Variants in RAD23B observed in about 807,000 individuals in gnomAD.
RAD23B encodes RAD23 nucleotide excision repair protein B.
RAD23B carries 5 observed loss-of-function variants against 49.1 expected under a neutral mutation model. The ratio of observed to expected loss-of-function variants is 0.10; its 90% confidence interval spans 0.05 to 0.21. RAD23B has a LOEUF of 0.21. Ranked by LOEUF, RAD23B falls within the 10% of genes least tolerant of loss-of-function variation. RAD23B has a pLI of 1.00. For synonymous variants in RAD23B, 184 were observed against 165.4 expected, an observed-to-expected ratio of 1.11 and a Z score of -0.86; for missense variants, 356 against 486.7, an observed-to-expected ratio of 0.73 and a Z score of 2.53.
rs766258521 is a variant in RAD23B, at chr9:107,311,693, A to G, written c.509A>G (p.Asp170Gly). 1.9e-6 allele frequency: 3 copies of G among 1,572,654 alleles called. No homozygotes were observed. In the South Asian group the frequency reaches 3.6e-5, roughly 19 times the overall value. ...SPTATDSTSG[D>G]SSRSNLFEDA... ...AAATCCTTTTGTAGTACATCGGGTG[A>G]TTCTTCTCGGTCAAACCTTTTTGAA... The change falls in exon 5 of 10, where the codon GAT becomes GGT. Residue 170 changes from aspartate (D) to glycine (G), a missense_variant. Around this residue, in one of 5 missense-constraint regions of RAD23B, gnomAD observed 137 missense variants for 122.0 expected, o/e 1.12. Transcript: ENST00000358015.
At chr9:107,316,009 T>C (rs918077143) in intron 5 of RAD23B, among the ~76,000 whole-genome samples, 1 of 151,990 alleles carries the variant, frequency 6.6e-6, no homozygotes, top group African/African-American at 2.4e-5. Context: ...CTTAATACTT[T>C]TACGAATTTT....
At chr9:107,289,089 TTCCTCCCTTC>T in intron 1 of RAD23B, among the ~76,000 whole-genome samples, 1 of 83,288 alleles carries the variant, frequency 1.2e-5, no homozygotes, top group Non-Finnish European at 2.0e-5. Context: ...CCTCCCTCCT[TTCCTCCCTTC>T]TTCCCTCCCT....
intron 1 of RAD23B, among the ~76,000 whole-genome samples, chr9:107,285,652 T>C (rs1388543704): frequency 2.6e-5 from 4 of 152,262 alleles, no homozygotes; most frequent in Non-Finnish European, 5.9e-5. Flanking sequence ...TAATATGTTA[T>C]ACGTCTGGAA....
intron 9 of RAD23B, among the ~76,000 whole-genome samples, chr9:107,327,124 G>A (rs988978934): frequency 2.6e-5 from 4 of 152,118 alleles, no homozygotes; most frequent in Non-Finnish European, 5.9e-5. Context: ...TGAGTCCTAA[G>A]ATATTTTTGT....
chr9:107,302,587 TA>T (rs1006390270), intron 3 of RAD23B, among the ~76,000 whole-genome samples: 1 of 150,522 alleles, frequency 6.6e-6, no homozygotes, highest in Non-Finnish European at 1.5e-5. Context: ...TTTTAGAAAC[TA>T]AAAAAAGGGA....
chr9:107,323,545 A>C (rs1827147285), intron 7 of RAD23B, among the ~76,000 whole-genome samples: 1 of 152,208 alleles, frequency 6.6e-6, no homozygotes, highest in Non-Finnish European at 1.5e-5. Context: ...TTTAAGCAAC[A>C]GGAACAACTT....
At position 107,323,822 on chromosome 9, in the gene RAD23B, GTAT is replaced by G. The variant is rs1827152372; in HGVS notation, c.818-63_818-61del. 5 of 1,392,138 alleles carry G rather than the reference GTAT, an allele frequency of 3.6e-6. No individual in the cohort carries two copies. In the African/African-American group the frequency reaches 4.3e-5, roughly 12 times the overall value. 86.2% of individuals were successfully genotyped at this position (1,392,138 alleles called of 1,614,324 possible). On this transcript the variant is annotated intron_variant, in intron 7 of 9. Coordinates refer to ENST00000358015, the MANE Select transcript of RAD23B (RefSeq NM_002874.5). ...CTTTGATAGTGTTTGCTGTCTAAAT[GTAT>G]TATTTAACCACTGTTTGTGTATGTA...
In RAD23B at chr9:107,331,777, G is replaced by C; in HGVS notation, c.*2121G>C. ...TTGGACAACAAATCTGGATATACTAGGATTAATTATCAGAAGACAGCTCAG... is the reference window on the plus strand; with the variant it reads ...TTGGACAACAAATCTGGATATACTACGATTAATTATCAGAAGACAGCTCAG... On this transcript the variant is annotated 3_prime_UTR_variant, in exon 10 of 10. Coordinates refer to ENST00000358015, the MANE Select transcript of RAD23B (RefSeq NM_002874.5). 2.6e-6 allele frequency: 2 copies of C among 770,148 alleles called. No homozygotes were observed. 47.7% of individuals were successfully genotyped at this position (770,148 alleles called of 1,614,324 possible). A position where few individuals can be genotyped will look rare whatever the true frequency, so the allele number is the denominator to read the frequency against.
intron 1 of RAD23B, among the ~76,000 whole-genome samples, chr9:107,290,858 A>T (rs954993552): frequency 1.3e-5 from 2 of 152,218 alleles, no homozygotes; most frequent in Admixed American, 6.5e-5. Flanking sequence ...AAAATCAATG[A>T]ACAAGGTCCT....
chr9:107,299,994 G>A (rs1826614657), intron 1 of RAD23B, 147 bp from the exon 2 acceptor site: 1 of 1,028,746 alleles, frequency 9.7e-7, no homozygotes, highest in Non-Finnish European at 1.3e-6. Flanking sequence ...AATCTTTTTT[G>A]ATATAAATTG....
Position 107,332,069 on chromosome 9 carries a change from T to C in RAD23B, c.*2413T>C, listed in dbSNP as rs763891135. On this transcript the variant is annotated 3_prime_UTR_variant, in exon 10 of 10. Transcript: ENST00000358015. Reference sequence around the variant, plus strand: ...TAAGTTTGTATTTGTAAATTTCTTATGCCATCCTCTAGTCAAATTTTTTTT... The same window carrying C: ...TAAGTTTGTATTTGTAAATTTCTTACGCCATCCTCTAGTCAAATTTTTTTT... The C allele has an allele frequency of 1.4e-5, 4 of 290,534 alleles. No individual in the cohort carries two copies. The highest frequency in any genetic ancestry group is 1.9e-5 in the Non-Finnish European group (3 of 159,564). 18.0% of individuals were successfully genotyped at this position (290,534 alleles called of 1,614,324 possible).
At chr9:107,323,133 A>G (rs1827142273) in intron 7 of RAD23B, among the ~76,000 whole-genome samples, 1 of 152,210 alleles carries the variant, frequency 6.6e-6, no homozygotes, top group African/African-American at 2.4e-5. Flanking sequence ...TTGGTTTCCT[A>G]TAGCATAACC....
intron 5 of RAD23B, among the ~76,000 whole-genome samples, chr9:107,316,270 C>T (rs187581120): frequency 2.6e-5 from 4 of 152,212 alleles, no homozygotes; most frequent in Non-Finnish European, 5.9e-5. Context: ...CTCGGCCTCC[C>T]AAGTGCTGGG....
At chr9:107,308,695 C>A (rs1826831832) in intron 4 of RAD23B, among the ~76,000 whole-genome samples, 1 of 152,170 alleles carries the variant, frequency 6.6e-6, no homozygotes, top group Non-Finnish European at 1.5e-5. Context: ...ACTTTGTACA[C>A]CAACTGCTTA....
chr9:107,294,400 G>C (rs1833446909), intron 1 of RAD23B, among the ~76,000 whole-genome samples: 1 of 152,128 alleles, frequency 6.6e-6, no homozygotes, highest in Non-Finnish European at 1.5e-5. Flanking sequence ...TTATGTACTG[G>C]GACTGTGGTG....
rs1181141429 is a variant in RAD23B, at chr9:107,314,547, A to G, written c.553+2810A>G. ...TTCTTTTTGATGGGTGAGTATTATT[A>G]CACACACACACCACATTTTCTTTAT... On this transcript the variant is annotated intron_variant, in intron 5 of 9. Transcript: ENST00000358015. Among the ~76,000 whole-genome samples, 3 of 151,986 alleles carry G rather than the reference A, an allele frequency of 2.0e-5. No homozygotes were observed. In the South Asian group the frequency reaches 6.2e-4, roughly 32 times the overall value.
chr9:107,321,702 G>T (rs1827114738), intron 6 of RAD23B, among the ~76,000 whole-genome samples: 1 of 152,102 alleles, frequency 6.6e-6, no homozygotes. Flanking sequence ...GTGTCTTATT[G>T]AACAACACAG....
chr9:107,302,210 C>T, intron 3 of RAD23B, 96 bp downstream of exon 3: 7 of 1,530,302 alleles, frequency 4.6e-6, no homozygotes, highest in Non-Finnish European at 6.1e-6. Context: ...TTATACACAT[C>T]CATAGTGGTG....
intron 1 of RAD23B, among the ~76,000 whole-genome samples, 168 bp downstream of exon 1, chr9:107,283,863 G>T (rs1833213981): frequency 6.6e-6 from 1 of 152,200 alleles, no homozygotes; most frequent in African/African-American, 2.4e-5. Flanking sequence ...CGATCCTCCT[G>T]TCTTGGCCGT....
Sources: gnomAD v4.1 joint callset for allele counts (sites outside exome capture counted in the v4.1 genomes callset) on GRCh38, gnomAD v4.1.1 for gene constraint, gnomAD v4.1.1 regional missense constraint, MANE v1.5 for transcripts, NCBI Gene and HGNC (gene_info 2026-07-23, HGNC 2026-07-21) for gene names.